CHSY3: variants seen among roughly 807,000 people sequenced by gnomAD.
The protein encoded by CHSY3 is chondroitin sulfate synthase 3.
In CHSY3, 35 loss-of-function variants were observed where a neutral mutation model predicts 67.2. The ratio of observed to expected loss-of-function variants is 0.52; its 90% CI spans 0.40 to 0.69. CHSY3 has a LOEUF of 0.69. CHSY3 is among the 30% of genes least tolerant of loss of function. The pLI is 0.00. For synonymous variants in CHSY3, 474 were observed against 434.7 expected (o/e 1.09, Z -1.12); for missense variants, 1,069 against 1,138.5 (o/e 0.94, Z 0.88).
chr5:130,116,944 G>A (rs1259895891), intron 2 of CHSY3, among the ~76,000 whole-genome samples: 2 of 151,928 alleles, frequency 1.3e-5, no homozygotes, highest in Non-Finnish European at 2.9e-5. Context: ...CACTTGTGTA[G>A]AAAATGTGGC....
At chr5:130,052,471 G>A (rs1765394784) in intron 2 of CHSY3, among the ~76,000 whole-genome samples, 1 of 152,116 alleles carries the variant, frequency 6.6e-6, no homozygotes, top group African/African-American at 2.4e-5. Context: ...TAAATATTTT[G>A]TGACAAAGCA....
At chr5:130,095,232 A>G (rs923673712) in intron 2 of CHSY3, among the ~76,000 whole-genome samples, 1 of 152,192 alleles carries the variant, frequency 6.6e-6, no homozygotes, top group African/African-American at 2.4e-5. Context: ...AATTTCCCCA[A>G]TAGCAATGAG....
At chr5:130,173,028 T>C (rs1177307052) in intron 2 of CHSY3, among the ~76,000 whole-genome samples, 4 of 152,222 alleles carry the variant, frequency 2.6e-5, no homozygotes, top group Non-Finnish European at 4.4e-5. Context: ...TATGACAACC[T>C]AAATTTATAA....
At chr5:129,997,380 T>A (rs138162995) in intron 2 of CHSY3, among the ~76,000 whole-genome samples, 1 of 152,190 alleles carries the variant, frequency 6.6e-6, no homozygotes, top group Non-Finnish European at 1.5e-5. Context: ...ATATAGTTTT[T>A]AAAAATCAAA....
At chr5:129,999,787 A>G (rs1209460907) in intron 2 of CHSY3, among the ~76,000 whole-genome samples, 1 of 152,146 alleles carries the variant, frequency 6.6e-6, no homozygotes, top group Non-Finnish European at 1.5e-5. Flanking sequence ...ACTCTACCAT[A>G]TATCTACATA....
chr5:130,102,007 A>G (rs745423502), intron 2 of CHSY3, among the ~76,000 whole-genome samples: 21 of 152,120 alleles, frequency 1.4e-4, no homozygotes, highest in Non-Finnish European at 2.6e-4. Flanking sequence ...GTATCATGAA[A>G]AACAACATTG....
At chr5:130,148,140 A>T (rs950627129) in intron 2 of CHSY3, among the ~76,000 whole-genome samples, 4 of 152,186 alleles carry the variant, frequency 2.6e-5, no homozygotes, top group African/African-American at 7.2e-5. Context: ...TATAAGTGAG[A>T]ACATGTGTTA....
chr5:130,084,358 A>G (rs929941461), intron 2 of CHSY3, among the ~76,000 whole-genome samples: 11 of 152,026 alleles, frequency 7.2e-5, no homozygotes, highest in Non-Finnish European at 1.2e-4. Flanking sequence ...AAGGTGAAAG[A>G]AATGCAATTA....
chr5:130,045,430 A>G (rs1362617622), intron 2 of CHSY3, among the ~76,000 whole-genome samples: 1 of 152,016 alleles, frequency 6.6e-6, no homozygotes, highest in Non-Finnish European at 1.5e-5. Flanking sequence ...TTTAGAATGG[A>G]GTGGAGATGT....
At chr5:130,047,192 A>G (rs1420555907) in intron 2 of CHSY3, among the ~76,000 whole-genome samples, 1 of 152,058 alleles carries the variant, frequency 6.6e-6, no homozygotes, top group East Asian at 1.9e-4. Flanking sequence ...AAATAAAAAT[A>G]AAAAGAGGAA....
chr5:130,010,110 C>G (rs1764009392), intron 2 of CHSY3, among the ~76,000 whole-genome samples: 1 of 152,018 alleles, frequency 6.6e-6, no homozygotes, highest in African/African-American at 2.4e-5. Context: ...TATTTGGGAC[C>G]TAAACTTGAC....
chr5:129,997,604 C>G lies in CHSY3; in HGVS notation c.1086+89244C>G, dbSNP rs959608977. ...ACATGTGCCATGTTGGTTTGCTGCA[C>G]CCATCAACTCATTATTTACATTAGG... On this transcript the variant is annotated intron_variant, in intron 2 of 2. Transcript: ENST00000305031. Among the ~76,000 whole-genome samples, 5 of 152,054 alleles carry G rather than the reference C, an allele frequency of 3.3e-5. No homozygotes were observed. The East Asian group carries it at 9.7e-4, about 29-fold the overall frequency.
At chr5:129,949,720 C>A (rs1761967543) in intron 2 of CHSY3, among the ~76,000 whole-genome samples, 1 of 152,090 alleles carries the variant, frequency 6.6e-6, no homozygotes, top group Non-Finnish European at 1.5e-5. Flanking sequence ...CCAACAAAAC[C>A]AGAGTAAACC....
chr5:130,155,015 A>G (rs1244274058), intron 2 of CHSY3, among the ~76,000 whole-genome samples: 1 of 152,220 alleles, frequency 6.6e-6, no homozygotes, highest in Non-Finnish European at 1.5e-5. Context: ...GACACCTCGA[A>G]CAGCAACTCC....
rs576826385 is a variant in CHSY3, at chr5:129,966,337, G to A, written c.1086+57977G>A. On this transcript the variant is annotated intron_variant, in intron 2 of 2. Coordinates refer to ENST00000305031, the MANE Select transcript of CHSY3 (RefSeq NM_175856.5). ...GCATTTTCAGTGCACAGCTCAGCAG[G>A]TAGGTAGTGCATTGTGTAAAATTTG... Among the ~76,000 whole-genome samples, 112 of 151,928 alleles carry A rather than the reference G, an allele frequency of 7.4e-4. 1 individual carries two copies. The highest frequency in any genetic ancestry group is 3.4e-3 in the Middle Eastern group (1 of 294).
chr5:130,064,060 C>T (rs915389624), intron 2 of CHSY3, among the ~76,000 whole-genome samples: 55 of 152,044 alleles, frequency 3.6e-4, no homozygotes, highest in African/African-American at 1.2e-3. Context: ...GTTTGCCTTC[C>T]TATTCAGACT....
intron 2 of CHSY3, among the ~76,000 whole-genome samples, chr5:130,043,570 CAG>C (rs1426438661): frequency 4.6e-5 from 7 of 152,102 alleles, no homozygotes; most frequent in African/African-American, 1.7e-4. Flanking sequence ...CATCTCTAAG[CAG>C]AGTGTTAGAA....
chr5:130,143,808 G>GTATATA (rs1480395759), intron 2 of CHSY3, among the ~76,000 whole-genome samples: 19 of 34,044 alleles, frequency 5.6e-4, no homozygotes, highest in Admixed American at 7.3e-4. Context: ...ATATATATGT[G>GTATATA]TGTATATATA....
At chr5:130,078,367 G>A (rs1766338757) in intron 2 of CHSY3, among the ~76,000 whole-genome samples, 1 of 152,130 alleles carries the variant, frequency 6.6e-6, no homozygotes, top group Non-Finnish European at 1.5e-5. Context: ...GAAGAAAACA[G>A]TGAGTACTTG....
Sources: gnomAD v4.1 joint callset for allele counts (sites outside exome capture counted in the v4.1 genomes callset) on GRCh38, gnomAD v4.1.1 for gene constraint, MANE v1.5 for transcripts, NCBI Gene and HGNC (gene_info 2026-07-23, HGNC 2026-07-21) for gene names.